The following HM13 variants were observed in gnomAD, a reference collection of about 807,000 sequenced individuals.
HM13 encodes histocompatibility minor 13, also known as signal peptide peptidase.
A neutral mutation model predicts 50.0 loss-of-function variants in HM13; 18 were observed. That is an observed-to-expected ratio of 0.36 (90% CI 0.25 to 0.53). HM13 has a LOEUF of 0.53. Ranked by LOEUF, HM13 falls within the 20% of genes least tolerant of loss-of-function variation. The pLI, the probability that HM13 is intolerant of heterozygous loss-of-function variation, is 0.90. For missense variants in HM13, 393 were observed against 552.4 expected (o/e 0.71, Z 2.89); for synonymous variants, 197 against 232.6 (o/e 0.85, Z 1.39).
Position 31,568,192 on chromosome 20 carries a change from TCGC to T in HM13, c.1155_1157del (p.Arg387del). On this transcript the variant is annotated inframe_deletion, in exon 12 of 13. Coordinates refer to ENST00000398174, the MANE Select transcript of HM13 (RefSeq NM_178581.3). The stretch of plus-strand genomic sequence containing the variant: ...CCATGCAGCAGAAGCTAGCTGGCCC[TCGC>T]CGCCGGCGCCCGCAGAATCCCAGCG... 6.2e-7 allele frequency: 1 copy of T among 1,612,944 alleles called. No homozygotes were observed. The highest frequency in any genetic ancestry group is 1.7e-4 in the Middle Eastern group (1 of 6,058).
chr20:31,526,632 G>A (rs955639527), intron 1 of HM13, among the ~76,000 whole-genome samples: 2 of 152,004 alleles, frequency 1.3e-5, no homozygotes, highest in Non-Finnish European at 2.9e-5. Context: ...GCCAACTATA[G>A]CATCTGCCAT....
Position 31,568,091 on chromosome 20 carries a change from G to A in HM13, c.1048G>A (p.Ala350Thr). 1.2e-6 allele frequency: 2 copies of A among 1,610,616 alleles called. No homozygotes were observed. The highest frequency in any genetic ancestry group is 1.3e-5 in the African/African-American group (1 of 74,914). ...VTEMFSYESS[A>T]EILPHTPRLT... ...TCTCTCACACAGCTACGAGTCCTCG[G>A]CGGAAATCCTGCCTCATACCCCGAG... The change falls in exon 12 of 13, where the codon GCG becomes ACG. Residue 350 changes from alanine (A) to threonine (T), a missense_variant. Ala to Thr is a moderately conservative substitution (Grantham distance 58, BLOSUM62 0). This residue lies in a region of HM13 where 105 missense variants were observed against 115.9 expected (regional missense o/e 0.91). Transcript: ENST00000398174.
At chr20:31,554,975 C>T (rs533633379) in intron 8 of HM13, 146 bp downstream of exon 8, 1 of 717,106 alleles carries the variant, frequency 1.4e-6, no homozygotes, top group African/African-American at 1.8e-5. Flanking sequence ...GAAGGGTTCC[C>T]CCTTAACATC....
At chr20:31,516,548 A>G (rs146029089) in intron 1 of HM13, among the ~76,000 whole-genome samples, 228 of 152,338 alleles carry the variant, frequency 1.5e-3, no homozygotes, top group African/African-American at 4.6e-3. Flanking sequence ...TGCTAGAGGT[A>G]GGCCTGAGCC....
chr20:31,545,993 G>A (rs943530082), intron 4 of HM13, among the ~76,000 whole-genome samples: 2 of 150,046 alleles, frequency 1.3e-5, no homozygotes, highest in South Asian at 2.1e-4. Flanking sequence ...GAGCCACCAC[G>A]CCCAGCAGGT....
At chr20:31,547,967 T>TCAAC (rs1983817711) in intron 4 of HM13, 1 of 1,541,316 alleles carries the variant, frequency 6.5e-7, no homozygotes, top group Non-Finnish European at 9.0e-7. Context: ...GCAGAAGATA[T>TCAAC]TGAGAAAGTC....
At chr20:31,558,601 C>T (rs1477949656) in intron 8 of HM13, among the ~76,000 whole-genome samples, 2 of 152,232 alleles carry the variant, frequency 1.3e-5, no homozygotes, top group African/African-American at 4.8e-5. Context: ...TCCCCTCCTT[C>T]ACCCCTGCCC....
At chr20:31,554,635 T>A (rs1441598587) in intron 7 of HM13, 111 bp from the exon 8 acceptor site, 1 of 789,782 alleles carries the variant, frequency 1.3e-6, no homozygotes, top group Non-Finnish European at 2.0e-6. Flanking sequence ...TGAGCCGAGA[T>A]TGCGCCACTG....
In HM13 at chr20:31,514,505, T is replaced by C; in HGVS notation, c.-47T>C. The C allele has an allele frequency of 6.4e-7, 1 of 1,574,114 alleles. No homozygotes were observed. Among genetic ancestry groups the C allele is most frequent in the Non-Finnish European group, 8.6e-7 (1 of 1,161,284 alleles). On this transcript the variant is annotated 5_prime_UTR_variant, in exon 1 of 13. Coordinates refer to ENST00000398174, the MANE Select transcript of HM13 (RefSeq NM_178581.3). The surrounding 1 kb of genome is among the most constrained non-coding windows in gnomAD (Gnocchi z 4.3). ...GAGCCGGTGTCTCCGCCTGCGTCCCTGCTGCAGCAACCGGAGCTGGAGTCG... is the reference window on the plus strand; with the variant it reads ...GAGCCGGTGTCTCCGCCTGCGTCCCCGCTGCAGCAACCGGAGCTGGAGTCG...
In HM13 at chr20:31,548,124, G is replaced by A. The variant is rs1358423751; in HGVS notation, c.455-905G>A. 4 of 987,850 alleles carry A rather than the reference G, an allele frequency of 4.0e-6. No homozygotes were observed. The African/African-American group carries it at 6.4e-5, about 16-fold the overall frequency. 61.2% of individuals were successfully genotyped at this position (987,850 alleles called of 1,614,324 possible). On this transcript the variant is annotated intron_variant, in intron 4 of 12. Coordinates refer to ENST00000398174, the MANE Select transcript of HM13 (RefSeq NM_178581.3). ...CGTATGTGTGTTTGTGTCTGTGTGT[G>A]ACAGCGTGAATACAATGCCTCTGTG...
rs746150546 is a variant in HM13, at chr20:31,568,031, T to C, written c.1035-47T>C. On this transcript the variant is annotated intron_variant, in intron 11 of 12. Coordinates refer to ENST00000398174, the MANE Select transcript of HM13 (RefSeq NM_178581.3). ...GAAGTCTCTGTCCTCCCTTAGTCTT[T>C]CCCTATCCATCTCTTTTTTTCTGTC... is the stretch of plus-strand genomic sequence containing the variant. 2.0e-6 allele frequency: 3 copies of C among 1,492,996 alleles called. No homozygotes were observed. In the South Asian group the frequency reaches 3.7e-5, roughly 18 times the overall value. The allele number at this position is 1,492,996 out of a possible 1,614,324, so 92.5% of individuals were successfully genotyped here.
intron 4 of HM13, among the ~76,000 whole-genome samples, chr20:31,546,012 T>C (rs1290925368): frequency 6.6e-6 from 1 of 151,074 alleles, no homozygotes; most frequent in East Asian, 1.9e-4. Context: ...GTATTTCTCT[T>C]GTATACAATA....
intron 1 of HM13, among the ~76,000 whole-genome samples, chr20:31,516,886 G>A (rs1401010190): frequency 6.6e-6 from 1 of 152,194 alleles, no homozygotes; most frequent in Non-Finnish European, 1.5e-5. Flanking sequence ...CAACTGAGGT[G>A]GCAGGCAGAG....
intron 7 of HM13, among the ~76,000 whole-genome samples, chr20:31,552,930 A>C (rs1039401954): frequency 1.3e-5 from 2 of 152,138 alleles, no homozygotes; most frequent in Admixed American, 6.5e-5. Context: ...AGCCAAGATC[A>C]CACCACTGCA....
chr20:31,530,936 A>G (rs903904871), intron 2 of HM13, among the ~76,000 whole-genome samples: 4 of 152,194 alleles, frequency 2.6e-5, no homozygotes, highest in African/African-American at 9.6e-5. Flanking sequence ...AGATTGTGCC[A>G]TTTTACATTC....
At chr20:31,550,180 C>G (rs1157111754) in intron 7 of HM13, 59 bp downstream of exon 7, 2 of 1,278,758 alleles carry the variant, frequency 1.6e-6, no homozygotes, top group Admixed American at 1.7e-5. Flanking sequence ...GCCATGCCCC[C>G]ACAGCCCGTT....
intron 4 of HM13, chr20:31,547,283 A>G (rs1983777362): frequency 8.3e-6 from 2 of 240,990 alleles, no homozygotes; most frequent in Non-Finnish European, 1.6e-5. Context: ...TCGAAGGAAC[A>G]GCGGGCCAAG....
In HM13 at chr20:31,568,061, C is replaced by A; in HGVS notation, c.1035-17C>A. The A allele has an allele frequency of 6.5e-7, 1 of 1,531,796 alleles. No individual in the cohort carries two copies. The highest frequency in any genetic ancestry group is 8.9e-7 in the Non-Finnish European group (1 of 1,127,580). The allele number at this position is 1,531,796 out of a possible 1,614,324, so 94.9% of individuals were successfully genotyped here. A position where few individuals can be genotyped will look rare whatever the true frequency, so the allele number is the denominator to read the frequency against. ...ATCCATCTCTTTTTTTCTGTCTCTT[C>A]TCTCTCTCTCACACAGCTACGAGTC... On this transcript the variant is annotated splice_polypyrimidine_tract_variant and intron_variant, in intron 11 of 12. Transcript: ENST00000398174.
intron 7 of HM13, among the ~76,000 whole-genome samples, chr20:31,553,478 A>C (rs1019449959): frequency 1.3e-5 from 2 of 152,118 alleles, no homozygotes; most frequent in South Asian, 2.1e-4. Context: ...AACTGTGTAC[A>C]AATCATCTAA....
Sources: allele counts gnomAD v4.1 joint callset (sites outside exome capture counted in the v4.1 genomes callset), GRCh38; gene constraint gnomAD v4.1.1; regional missense constraint gnomAD v4.1.1; non-coding constraint Gnocchi (gnomAD v3.1); transcripts MANE v1.5; gene names NCBI Gene and HGNC (gene_info 2026-07-23, HGNC 2026-07-21).